The following CLCNKB variants were observed in gnomAD, a reference collection of about 807,000 sequenced individuals.
CLCNKB encodes chloride voltage-gated channel Kb.
Under a neutral mutation model 83.8 loss-of-function variants are expected in CLCNKB, and 74 were observed. That is an observed-to-expected ratio of 0.88 (90% confidence interval 0.73 to 1.07). The LOEUF is 1.07. Ranked by LOEUF, CLCNKB falls within the 50% of genes least tolerant of loss-of-function variation. CLCNKB has a pLI of 0.00. For missense variants in CLCNKB, 798 were observed against 893.6 expected (o/e 0.89, Z 1.36); for synonymous variants, 358 against 356.6 (o/e 1.00, Z -0.04).
intron 8 of CLCNKB, 87 bp from the exon 9 acceptor site, chr1:16,049,531 C>A: frequency 1.5e-6 from 2 of 1,306,532 alleles, no homozygotes; most frequent in South Asian, 2.7e-5. Context: ...GACCTGGCAC[C>A]CCCTCCACCC....
At chr1:16,050,642 A>T in intron 11 of CLCNKB, 42 bp downstream of exon 11, 1 of 1,589,888 alleles carries the variant, frequency 6.3e-7, no homozygotes, top group South Asian at 1.1e-5. Flanking sequence ...GGGAAGCCCT[A>T]TTTGTTGCCT....
At position 16,046,595 on chromosome 1, in the gene CLCNKB, C is replaced by G. The variant is rs768956168; in HGVS notation, c.290C>G (p.Thr97Ser). Residue 97 changes from threonine (T) to serine (S), a missense_variant, in exon 4 of 20, where the codon ACT becomes AGT. Physicochemically the swap from Thr to Ser is moderately conservative, Grantham distance 58 (BLOSUM62 1). Coordinates refer to ENST00000375679, the MANE Select transcript of CLCNKB (RefSeq NM_000085.5). ...DSHLLRYLSW[T>S]VYPVALVSFS... ...CACCTGCTCCGGTATCTCTCCTGGA[C>G]TGTGTACCCTGTGGCCCTCGTCTCT... 2 of 1,614,036 alleles carry G rather than the reference C, an allele frequency of 1.2e-6. No homozygotes were observed. The highest frequency in any genetic ancestry group is 2.2e-5 in the East Asian group (1 of 44,896).
Position 16,048,043 on chromosome 1 carries a change from TG to T in CLCNKB, c.498+1del, listed in dbSNP as rs756901402. The T allele has an allele frequency of 6.2e-7, 1 of 1,613,268 alleles. No homozygotes were observed. Among genetic ancestry groups the T allele is most frequent in the East Asian group, 2.2e-5 (1 of 44,862 alleles). ...GGCAGCACCCTCTTCCTCGGGAAAG[TG>T]GTATGGGCAGGGGTGAGGGCATCCC... ...ACGSTLFLGK[V>X]GPFVHLSVMM... On this transcript the variant is annotated frameshift_variant and splice_region_variant, in exon 5 of 20. Coordinates refer to ENST00000375679, the MANE Select transcript of CLCNKB (RefSeq NM_000085.5). LOFTEE classifies it high-confidence loss of function.
At chr1:16,048,122 A>C in intron 5 of CLCNKB, 78 bp downstream of exon 5, 2 of 1,552,990 alleles carry the variant, frequency 1.3e-6, no homozygotes, top group Non-Finnish European at 1.7e-6. Context: ...ACCCCACGAA[A>C]GCTGCGTCAG....
chr1:16,050,145 C>A (rs942403428), intron 10 of CLCNKB, among the ~76,000 whole-genome samples: 3 of 144,536 alleles, frequency 2.1e-5, no homozygotes, highest in Admixed American at 7.1e-5. Context: ...GGAGTCTATA[C>A]CCCCTCAGTG....
chr1:16,055,259 C>A (rs2023403213), intron 16 of CLCNKB, among the ~76,000 whole-genome samples, 176 bp from the exon 17 acceptor site: 1 of 152,204 alleles, frequency 6.6e-6, no homozygotes, highest in Non-Finnish European at 1.5e-5. Context: ...TTGGGCAAGA[C>A]AATTAGCCTC....
At chr1:16,051,879 G>A in intron 14 of CLCNKB, 59 bp downstream of exon 14, 5 of 1,429,770 alleles carry the variant, frequency 3.5e-6, no homozygotes, top group Non-Finnish European at 2.0e-6. Flanking sequence ...TGGACCTGGA[G>A]AATTGGCTGG....
Position 16,056,410 on chromosome 1 carries a change from T to A in CLCNKB, c.1930-12T>A. 1 of 1,613,656 alleles carries A rather than the reference T, an allele frequency of 6.2e-7. No homozygotes were observed. Among genetic ancestry groups the A allele is most frequent in the Non-Finnish European group, 8.5e-7 (1 of 1,179,726 alleles). On this transcript the variant is annotated splice_polypyrimidine_tract_variant and intron_variant, in intron 18 of 19. Coordinates refer to ENST00000375679, the MANE Select transcript of CLCNKB (RefSeq NM_000085.5). ...TTCTACCCTCCAGTGTTTCCTAACA[T>A]CCCCCATCCAGGCACACAACCTCTT...
Position 16,057,200 on chromosome 1 carries a change from T to A in CLCNKB, c.*284T>A, listed in dbSNP as rs768495723. 4.4e-5 allele frequency: 30 copies of A among 687,706 alleles called. No individual in the cohort carries two copies. Among genetic ancestry groups the A allele is most frequent in the South Asian group, 2.3e-4 (15 of 66,428 alleles). The allele number at this position is 687,706 out of a possible 1,614,324, so 42.6% of individuals were successfully genotyped here. On this transcript the variant is annotated 3_prime_UTR_variant, in exon 20 of 20. Transcript: ENST00000375679. ...GCTCAGTGACTGGCCATCACATTAA[T>A]GAATGATGAGATTGGAGTACACTGT...
intron 4 of CLCNKB, among the ~76,000 whole-genome samples, chr1:16,047,527 G>A: frequency 6.6e-6 from 1 of 152,144 alleles, no homozygotes; most frequent in Admixed American, 6.5e-5. Context: ...TATAATCCCA[G>A]CACTTTGGGA....
chr1:16,043,968 C>G (rs1224312470), intron 1 of CLCNKB, 88 bp downstream of exon 1: 1 of 153,450 alleles, frequency 6.5e-6, no homozygotes, highest in East Asian at 1.9e-4. Context: ...GAGCCAGCAC[C>G]TCACTTTGGC....
At position 16,055,658 on chromosome 1, in the gene CLCNKB, C is replaced by T; in HGVS notation, c.1846-17C>T. 1 of 1,613,424 alleles carries T rather than the reference C, an allele frequency of 6.2e-7. No individual in the cohort carries two copies. The highest frequency in any genetic ancestry group is 8.5e-7 in the Non-Finnish European group (1 of 1,179,750). On this transcript the variant is annotated splice_polypyrimidine_tract_variant and intron_variant, in intron 17 of 19. Transcript: ENST00000375679. ...GGGGAGGCCAGCCCTGCACCTGTAA[C>T]CCTTCCCCACCCCCAGCAGTGTCTC...
chr1:16,045,910 C>T (rs2023087166), intron 3 of CLCNKB, among the ~76,000 whole-genome samples: 1 of 152,200 alleles, frequency 6.6e-6, no homozygotes. Flanking sequence ...CCTGAATGTT[C>T]CCAAGAGCTC....
intron 11 of CLCNKB, 109 bp from the exon 12 acceptor site, chr1:16,050,766 C>A (rs1045254484): frequency 1.0e-5 from 16 of 1,563,206 alleles, no homozygotes; most frequent in East Asian, 2.3e-5. Flanking sequence ...CAAGGCCCCC[C>A]GCTGGGAAGT....
In CLCNKB at chr1:16,053,842, G is replaced by A. The variant is rs41269173; in HGVS notation, c.1756+70G>A. The A allele has an allele frequency of 0.16, 257,457 of 1,591,480 alleles. 22,703 individuals carry two copies. The highest frequency in any genetic ancestry group is 0.18 in the Non-Finnish European group (209,003 of 1,165,206). ...CTCTGCCTCCTTCTTGAACCTGTCAGGCAGACAGGATCTGCATCCAGGCTC... is the reference window on the plus strand; with the variant it reads ...CTCTGCCTCCTTCTTGAACCTGTCAAGCAGACAGGATCTGCATCCAGGCTC... On this transcript the variant is annotated intron_variant, in intron 16 of 19. Transcript: ENST00000375679.
Position 16,057,131 on chromosome 1 carries a change from G to T in CLCNKB, c.*215G>T. On this transcript the variant is annotated 3_prime_UTR_variant, in exon 20 of 20. Transcript: ENST00000375679. ...TTGAAAGACAAAAATCCCACCTTGG[G>T]CAGAGCTGAGTGTGAGAAGATGGAA... is the stretch of plus-strand genomic sequence containing the variant. 1 of 687,662 alleles carries T rather than the reference G, an allele frequency of 1.5e-6. No homozygotes were observed. The allele number at this position is 687,662 out of a possible 1,614,324, so 42.6% of individuals were successfully genotyped here.
Position 16,051,665 on chromosome 1 carries a change from G to A in CLCNKB, c.1298-45G>A, listed in dbSNP as rs779530734. The A allele has an allele frequency of 6.8e-6, 11 of 1,606,032 alleles. No homozygotes were observed. In the South Asian group the frequency reaches 9.9e-5, roughly 14 times the overall value. ...GGTCCTCAGGGATGGAGGGCTGTGG[G>A]GGCCGGGTCAGCCTGGCTCCCCCTC... On this transcript the variant is annotated intron_variant, in intron 13 of 19. Coordinates refer to ENST00000375679, the MANE Select transcript of CLCNKB (RefSeq NM_000085.5).
At chr1:16,046,251 G>A (rs1359488869) in intron 3 of CLCNKB, among the ~76,000 whole-genome samples, 3 of 152,236 alleles carry the variant, frequency 2.0e-5, no homozygotes, top group Admixed American at 2.0e-4. Context: ...TCTTCAATGA[G>A]CCTGTGAGGA....
chr1:16,044,982 T>C (rs1397215567), intron 2 of CLCNKB, among the ~76,000 whole-genome samples: 10 of 152,196 alleles, frequency 6.6e-5, no homozygotes, highest in Admixed American at 2.0e-4. Context: ...ATGTGCTTTG[T>C]TCACTTTGAG....
Sources: allele counts gnomAD v4.1 joint callset (sites outside exome capture counted in the v4.1 genomes callset), GRCh38; gene constraint gnomAD v4.1.1; transcripts MANE v1.5; gene names NCBI Gene and HGNC (gene_info 2026-07-23, HGNC 2026-07-21).